WASHC2C: variants seen among roughly 807,000 people sequenced by gnomAD.
WASHC2C encodes the protein Vaccinia Penetration Factor.
A neutral mutation model predicts 142.2 loss-of-function variants in WASHC2C; 73 were observed. The ratio of observed to expected loss-of-function variants is 0.51; its 90% CI spans 0.43 to 0.62. The LOEUF (loss-of-function observed/expected upper bound fraction) is 0.62, where lower values mean the gene tolerates loss of function less well. Ranked by LOEUF, WASHC2C falls within the 20% of genes least tolerant of loss-of-function variation. The pLI, the probability that WASHC2C is intolerant of heterozygous loss-of-function variation, is 0.00. For missense variants in WASHC2C, 969 were observed against 1,531.7 expected, an observed-to-expected ratio of 0.63 and a Z score of 6.13; for synonymous variants, 337 against 565.5, an observed-to-expected ratio of 0.60 and a Z score of 5.73.
At position 45,737,969 on chromosome 10, in the gene WASHC2C, G is replaced by C. The variant is rs1589602441; in HGVS notation, c.292-14G>C. On this transcript the variant is annotated splice_polypyrimidine_tract_variant and intron_variant, in intron 3 of 30. Transcript: ENST00000623400. ...GTGTTGACCTTTTAACATTGAGTTTGCTTCCATATTTAGCGTGTATATGAT... is the reference window on the plus strand; with the variant it reads ...GTGTTGACCTTTTAACATTGAGTTTCCTTCCATATTTAGCGTGTATATGAT... The C allele has an allele frequency of 6.2e-7, 1 of 1,611,744 alleles. No homozygotes were observed.
At chr10:45,762,763 G>A (rs2442909) in intron 17 of WASHC2C, among the ~76,000 whole-genome samples, 2 of 151,340 alleles carry the variant, frequency 1.3e-5, no homozygotes, top group East Asian at 1.9e-4. Context: ...AAAATTAGCC[G>A]GGCGTGGTGG....
Position 45,727,331 on chromosome 10 carries a change from C to T in WASHC2C, c.3+11C>T. ...CGGGCGGCTGGGATGGTGAGGGCGG[C>T]GGGCCGGAGAGGGGCCGGCCTGGGC... On this transcript the variant is annotated intron_variant, in intron 1 of 30. Coordinates refer to ENST00000623400, the MANE Select transcript of WASHC2C (RefSeq NM_001330074.2). 1.9e-6 allele frequency: 3 copies of T among 1,584,598 alleles called. No individual in the cohort carries two copies. Among genetic ancestry groups the T allele is most frequent in the East Asian group, 2.3e-5 (1 of 43,644 alleles).
At chr10:45,773,892 CAAAA>C (rs71023148) in intron 21 of WASHC2C, among the ~76,000 whole-genome samples, 3 of 31,076 alleles carry the variant, frequency 9.7e-5, no homozygotes, top group African/African-American at 1.3e-4. Flanking sequence ...TACTGCAGGC[CAAAA>C]AAAAAAAAAA....
At chr10:45,744,127 T>TG (rs1359570798) in intron 6 of WASHC2C, among the ~76,000 whole-genome samples, 15 of 149,130 alleles carry the variant, frequency 1.0e-4, no homozygotes, top group African/African-American at 3.7e-4. Context: ...GGTGCGATCT[T>TG]GGCTCACTGC....
rs561810987 is a variant in WASHC2C, at chr10:45,774,927, A to G, written c.2142+1569A>G. Among the ~76,000 whole-genome samples the G allele has an allele frequency of 7.9e-5, 11 of 139,116 alleles. No homozygotes were observed. The South Asian group carries it at 1.4e-3, about 18-fold the overall frequency. 91.3% of individuals were successfully genotyped at this position (139,116 alleles called of 152,430 possible). On this transcript the variant is annotated intron_variant, in intron 21 of 30. Coordinates refer to ENST00000623400, the MANE Select transcript of WASHC2C (RefSeq NM_001330074.2). ...AATATGTGGTTAATGTATTTTCCTC[A>G]TTAGCCTTTTACCCTAATGAGTACA...
chr10:45,774,956 G>A (rs1316664279), intron 21 of WASHC2C, among the ~76,000 whole-genome samples: 2 of 134,440 alleles, frequency 1.5e-5, no homozygotes, highest in East Asian at 4.3e-4. Context: ...GAGTACATAG[G>A]GGTCGCAGTT....
At chr10:45,733,853 C>T (rs1189198497) in intron 3 of WASHC2C, among the ~76,000 whole-genome samples, 3 of 152,154 alleles carry the variant, frequency 2.0e-5, no homozygotes, top group African/African-American at 7.2e-5. Flanking sequence ...TGTGAAATTT[C>T]CTCAGCTTGA....
At chr10:45,786,212 C>T (rs2058030770) in intron 26 of WASHC2C, among the ~76,000 whole-genome samples, 1 of 152,094 alleles carries the variant, frequency 6.6e-6, no homozygotes, top group African/African-American at 2.4e-5. Flanking sequence ...ACTGACCCTT[C>T]CTGGGGCTCA....
chr10:45,738,096 G>A lies in WASHC2C; in HGVS notation c.354+51G>A, dbSNP rs1554865644. 3.7e-6 allele frequency: 6 copies of A among 1,611,920 alleles called. No individual in the cohort carries two copies. In the South Asian group the frequency reaches 6.6e-5, roughly 18 times the overall value. On this transcript the variant is annotated intron_variant, in intron 4 of 30. Coordinates refer to ENST00000623400, the MANE Select transcript of WASHC2C (RefSeq NM_001330074.2). ...TGAGTTTCTGACTTTGAAAAGTGTGGTGGAGATCGATGTGTTATGTGGGAA... is the reference window on the plus strand; with the variant it reads ...TGAGTTTCTGACTTTGAAAAGTGTGATGGAGATCGATGTGTTATGTGGGAA...
intron 3 of WASHC2C, among the ~76,000 whole-genome samples, chr10:45,735,342 G>T (rs1351250779): frequency 6.6e-6 from 1 of 150,938 alleles, no homozygotes; most frequent in African/African-American, 2.4e-5. Flanking sequence ...CGATTCTCCT[G>T]CCTCAGCCTC....
chr10:45,765,452 ATG>A (rs1589811248), intron 18 of WASHC2C, among the ~76,000 whole-genome samples: 3 of 149,316 alleles, frequency 2.0e-5, no homozygotes, highest in East Asian at 2.0e-4. Flanking sequence ...TCCTGCTTAT[ATG>A]CAGCTGTTCT....
At chr10:45,777,069 C>T (rs1322953563) in intron 21 of WASHC2C, among the ~76,000 whole-genome samples, 3 of 151,808 alleles carry the variant, frequency 2.0e-5, no homozygotes, top group African/African-American at 4.9e-5. Flanking sequence ...GATATGGTGG[C>T]GTGAAGTGTC....
intron 8 of WASHC2C, among the ~76,000 whole-genome samples, chr10:45,749,677 T>A: frequency 6.7e-6 from 1 of 150,190 alleles, no homozygotes; most frequent in Admixed American, 6.6e-5. Context: ...ATACAAAAAA[T>A]TTGCTGGGCG....
At chr10:45,740,617 G>C (rs2051889011) in intron 5 of WASHC2C, among the ~76,000 whole-genome samples, 1 of 152,170 alleles carries the variant, frequency 6.6e-6, no homozygotes, top group Non-Finnish European at 1.5e-5. Flanking sequence ...TTTGAAGGGT[G>C]GGGAGGCTCA....
chr10:45,787,735 A>G (rs1554890894), intron 28 of WASHC2C, among the ~76,000 whole-genome samples: 1 of 151,894 alleles, frequency 6.6e-6, no homozygotes, highest in Non-Finnish European at 1.5e-5. Flanking sequence ...CTGAACACAC[A>G]TGGTCTGTTC....
At chr10:45,769,927 G>C (rs1174551887) in intron 20 of WASHC2C, among the ~76,000 whole-genome samples, 1 of 151,560 alleles carries the variant, frequency 6.6e-6, no homozygotes, top group Non-Finnish European at 1.5e-5. Context: ...AAGTATGTCA[G>C]GTTTGGTCAG....
At chr10:45,776,275 G>A (rs1260671913) in intron 21 of WASHC2C, among the ~76,000 whole-genome samples, 5 of 152,330 alleles carry the variant, frequency 3.3e-5, no homozygotes, top group South Asian at 4.1e-4. Flanking sequence ...ACACTTCCTC[G>A]TGTCATATGG....
At chr10:45,764,361 C>T (rs2055525962) in intron 18 of WASHC2C, among the ~76,000 whole-genome samples, 1 of 151,306 alleles carries the variant, frequency 6.6e-6, no homozygotes, top group Non-Finnish European at 1.5e-5. Context: ...AAATTTTCAA[C>T]ATATTACTGA....
At chr10:45,771,471 C>T (rs2056583081) in intron 20 of WASHC2C, 4 of 984,910 alleles carry the variant, frequency 4.1e-6, no homozygotes, top group Non-Finnish European at 4.8e-6. Context: ...CCCCAACACC[C>T]TCAGCTGAGC....
Sources: gnomAD v4.1 joint callset for allele counts (sites outside exome capture counted in the v4.1 genomes callset) on GRCh38, gnomAD v4.1.1 for gene constraint, MANE v1.5 for transcripts, NCBI Gene and HGNC (gene_info 2026-07-23, HGNC 2026-07-21) for gene names.